Variants in REV1 observed in about 807,000 individuals in gnomAD.
The protein encoded by REV1 is REV1 DNA directed polymerase.
Under a neutral mutation model 137.4 loss-of-function variants are expected in REV1, and 42 were observed. The observed-to-expected ratio is 0.31, with a 90% CI of 0.24 to 0.40. The LOEUF (loss-of-function observed/expected upper bound fraction) is 0.40. Among genes scored for constraint, REV1 ranks in the 10% least tolerant of loss-of-function variants. The pLI is 1.00. For missense variants in REV1, 1,282 were observed against 1,490.1 expected (o/e 0.86, Z 2.30); for synonymous variants, 524 against 519.2 (o/e 1.01, Z -0.12).
intron 1 of REV1, among the ~76,000 whole-genome samples, chr2:99,478,080 A>C (rs190502688): frequency 1.3e-5 from 2 of 152,240 alleles, no homozygotes; most frequent in African/African-American, 2.4e-5. Context: ...AAAAATACAA[A>C]AATTAGCCGA....
chr2:99,459,631 G>A (rs2105080258), intron 3 of REV1, among the ~76,000 whole-genome samples: 2 of 152,116 alleles, frequency 1.3e-5, no homozygotes, highest in Middle Eastern at 6.8e-3. Flanking sequence ...GCTTGAACCT[G>A]GGATGTTGAA....
At chr2:99,436,557 C>T (rs138205210) in intron 6 of REV1, 1 of 152,696 alleles carries the variant, frequency 6.5e-6, no homozygotes, top group African/African-American at 2.4e-5. Context: ...TAAATCTGTA[C>T]ATTTTTATCC....
At chr2:99,459,207 C>CA (rs201658669) in intron 3 of REV1, among the ~76,000 whole-genome samples, 40 of 136,706 alleles carry the variant, frequency 2.9e-4, no homozygotes, top group South Asian at 1.2e-3. Context: ...GACTCTGTCT[C>CA]AAAAAAAAAA....
At chr2:99,489,459 C>A (rs1687455914) in intron 1 of REV1, among the ~76,000 whole-genome samples, 1 of 150,884 alleles carries the variant, frequency 6.6e-6, no homozygotes, top group Admixed American at 6.6e-5. Flanking sequence ...GCGGTCTGAC[C>A]GGGCCGGCGG....
chr2:99,453,433 G>A (rs1683144222), intron 3 of REV1, among the ~76,000 whole-genome samples: 1 of 151,494 alleles, frequency 6.6e-6, no homozygotes, highest in African/African-American at 2.4e-5. Flanking sequence ...ACCCCAAACC[G>A]GGAAGCAAGA....
chr2:99,451,987 C>T (rs1682977546), intron 3 of REV1, among the ~76,000 whole-genome samples: 1 of 151,956 alleles, frequency 6.6e-6, no homozygotes, highest in African/African-American at 2.4e-5. Context: ...CAGTATTCCT[C>T]TCTGGTTCTA....
chr2:99,462,797 G>C, intron 2 of REV1, 175 bp from the exon 3 acceptor site: 1 of 616,526 alleles, frequency 1.6e-6, no homozygotes, highest in Non-Finnish European at 2.6e-6. Flanking sequence ...AAATAAAACA[G>C]GAAAGTTGGG....
intron 9 of REV1, 65 bp from the exon 10 acceptor site, chr2:99,424,345 A>G: frequency 6.7e-7 from 1 of 1,483,470 alleles, no homozygotes; most frequent in Non-Finnish European, 9.3e-7. Flanking sequence ...TATTTATCAA[A>G]TATGTTGATA....
Position 99,424,285 on chromosome 2 carries a change from A to G in REV1, c.1548-5T>C. 1 of 1,612,258 alleles carries G rather than the reference A, an allele frequency of 6.2e-7. No individual in the cohort carries two copies. Among genetic ancestry groups the G allele is most frequent in the South Asian group, 1.1e-5 (1 of 90,490 alleles). ...CCGTTCTTAATGCCAAGTTGCCTAG[A>G]GCGAGAACAAAACACAATGGAGGTT... On this transcript the variant is annotated splice_polypyrimidine_tract_variant and splice_region_variant and intron_variant, in intron 9 of 22. Transcript: ENST00000258428.
chr2:99,438,351 C>T (rs896824583), intron 6 of REV1, among the ~76,000 whole-genome samples: 6 of 152,194 alleles, frequency 3.9e-5, no homozygotes, highest in African/African-American at 1.4e-4. Context: ...GGAATGAATG[C>T]TCAGAATCCC....
intron 1 of REV1, among the ~76,000 whole-genome samples, chr2:99,476,291 C>T (rs1685964653): frequency 6.6e-6 from 1 of 152,138 alleles, no homozygotes; most frequent in South Asian, 2.1e-4. Flanking sequence ...GGAGCAGTGA[C>T]TCACGCCTGT....
In REV1 at chr2:99,438,592, A is replaced by C. The variant is rs755825481; in HGVS notation, c.1213+9T>G. 1.3e-6 allele frequency: 2 copies of C among 1,589,992 alleles called. No individual in the cohort carries two copies. The highest frequency in any genetic ancestry group is 1.7e-6 in the Non-Finnish European group (2 of 1,161,682). ...GTTTCTTAAGAAGACAATTTTAATA[A>C]GTATCTACCTGTGTCAGTTACAACA... is the stretch of plus-strand genomic sequence containing the variant. On this transcript the variant is annotated intron_variant, in intron 6 of 22. Coordinates refer to ENST00000258428, the MANE Select transcript of REV1 (RefSeq NM_016316.4).
At chr2:99,467,862 A>G (rs925722431) in intron 1 of REV1, among the ~76,000 whole-genome samples, 1 of 152,182 alleles carries the variant, frequency 6.6e-6, no homozygotes, top group Non-Finnish European at 1.5e-5. Flanking sequence ...TCTGGCCAAC[A>G]TGGTGAAATC....
rs373851354 is a variant in REV1 at position 99,421,910 on chromosome 2, A to G, written c.1677-257T>C. Among the ~76,000 whole-genome samples, 9 of 152,366 alleles carry G rather than the reference A, an allele frequency of 5.9e-5. No individual in the cohort carries two copies. The East Asian group carries it at 1.5e-3, about 26-fold the overall frequency. On this transcript the variant is annotated intron_variant, in intron 10 of 22. Transcript: ENST00000258428. ...TTGAGGAGTAAAATAACCAACAAAAAAAATTTAAACACAAAAAAACAAAAA... is the reference window on the plus strand; with the variant it reads ...TTGAGGAGTAAAATAACCAACAAAAGAAATTTAAACACAAAAAAACAAAAA...
Position 99,452,099 on chromosome 2 carries a change from C to G in REV1, c.182-2595G>C, listed in dbSNP as rs188188556. ...AATTCATTTTTGTATTTAACACTCT[C>G]CTTTAATTCAGCAGATGTGGGGTTA... On this transcript the variant is annotated intron_variant, in intron 3 of 22. Transcript: ENST00000258428. Among the ~76,000 whole-genome samples, 24 of 152,144 alleles carry G rather than the reference C, an allele frequency of 1.6e-4. 1 individual carries two copies. The East Asian group carries it at 4.6e-3, about 29-fold the overall frequency.
At position 99,449,328 on chromosome 2, in the gene REV1, A is replaced by G. The variant is rs777259410; in HGVS notation, c.350+8T>C. 3 of 1,459,272 alleles carry G rather than the reference A, an allele frequency of 2.1e-6. No individual in the cohort carries two copies. Among genetic ancestry groups the G allele is most frequent in the Non-Finnish European group, 1.8e-6 (2 of 1,091,902 alleles). The allele number at this position is 1,459,272 out of a possible 1,614,324, so 90.4% of individuals were successfully genotyped here. Reference sequence around the variant, plus strand: ...ATTTATTAATTAAATTTAATAAATTAAACTTACCTTTCCACAATCCATTCT... The same window carrying G: ...ATTTATTAATTAAATTTAATAAATTGAACTTACCTTTCCACAATCCATTCT... On this transcript the variant is annotated splice_region_variant and intron_variant, in intron 4 of 22. Coordinates refer to ENST00000258428, the MANE Select transcript of REV1 (RefSeq NM_016316.4).
chr2:99,430,589 A>G (rs2104721947), intron 8 of REV1, among the ~76,000 whole-genome samples: 1 of 152,344 alleles, frequency 6.6e-6, no homozygotes, highest in East Asian at 1.9e-4. Flanking sequence ...GTTCAATTAA[A>G]AACATTCAAG....
At chr2:99,466,882 T>C (rs1430005407) in intron 1 of REV1, among the ~76,000 whole-genome samples, 2 of 152,154 alleles carry the variant, frequency 1.3e-5, no homozygotes, top group African/African-American at 4.8e-5. Flanking sequence ...ATTTCTCCTG[T>C]TTTCAAGAGG....
chr2:99,412,557 C>T (rs768005798), intron 13 of REV1, among the ~76,000 whole-genome samples, 174 bp downstream of exon 13: 17 of 152,116 alleles, frequency 1.1e-4, no homozygotes, highest in Admixed American at 2.0e-4. Flanking sequence ...TCAGTCTTAT[C>T]TGGGGCTACA....
Sources: allele counts gnomAD v4.1 joint callset (sites outside exome capture counted in the v4.1 genomes callset), GRCh38; gene constraint gnomAD v4.1.1; transcripts MANE v1.5; gene names NCBI Gene and HGNC (gene_info 2026-07-23, HGNC 2026-07-21).